RPRD1A: variants seen among roughly 807,000 people sequenced by gnomAD.
RPRD1A encodes regulation of nuclear pre-mRNA domain containing 1A.
In RPRD1A, 9 loss-of-function variants were observed where a neutral mutation model predicts 37.8. That is an observed-to-expected ratio of 0.24 (90% CI 0.14 to 0.42). The LOEUF (loss-of-function observed/expected upper bound fraction) is 0.42. Among genes scored for constraint, RPRD1A ranks in the 10% least tolerant of loss-of-function variants. The pLI, the probability that RPRD1A is intolerant of heterozygous loss-of-function variation, is 1.00. For synonymous variants in RPRD1A, 138 were observed against 139.7 expected, an observed-to-expected ratio of 0.99 and a Z score of 0.08; for missense variants, 255 against 371.0, an observed-to-expected ratio of 0.69 and a Z score of 2.57.
intron 1 of RPRD1A, among the ~76,000 whole-genome samples, chr18:36,066,078 AGT>A (rs1054355750): frequency 3.9e-5 from 6 of 152,210 alleles, no homozygotes; most frequent in African/African-American, 1.4e-4. Context: ...CCTTTATATC[AGT>A]GTTTCTGAAA....
intron 6 of RPRD1A, among the ~76,000 whole-genome samples, chr18:36,004,408 C>T (rs541005156): frequency 6.6e-6 from 1 of 152,146 alleles, no homozygotes; most frequent in Non-Finnish European, 1.5e-5. Context: ...GCGCACACCA[C>T]CACACCCAAC....
At chr18:36,065,568 C>T (rs117969729) in intron 1 of RPRD1A, among the ~76,000 whole-genome samples, 1,797 of 152,166 alleles carry the variant, frequency 0.012, 16 homozygotes, top group Middle Eastern at 0.034. Flanking sequence ...TTCTTGAGAA[C>T]AATACTTATT....
Position 36,027,080 on chromosome 18 carries a change from GA to G in RPRD1A, c.614-6del, listed in dbSNP as rs1207390412. 2 of 1,613,328 alleles carry G rather than the reference GA, an allele frequency of 1.2e-6. No homozygotes were observed. Among genetic ancestry groups the G allele is most frequent in the African/African-American group, 2.7e-5 (2 of 74,886 alleles). ...GCCTTTCTCCAGATTCTTTATCTAA[GA>G]AAAGCACGGGATAATAAAATATTAT... On this transcript the variant is annotated splice_region_variant and splice_polypyrimidine_tract_variant and intron_variant, in intron 5 of 6. Coordinates refer to ENST00000399022, the MANE Select transcript of RPRD1A (RefSeq NM_018170.5).
At chr18:36,013,252 T>A (rs893311157) in intron 6 of RPRD1A, among the ~76,000 whole-genome samples, 1 of 152,096 alleles carries the variant, frequency 6.6e-6, no homozygotes, top group Non-Finnish European at 1.5e-5. Context: ...GTTCCCAACA[T>A]TAGACAAGCA....
intron 1 of RPRD1A, among the ~76,000 whole-genome samples, chr18:36,047,333 TGA>T (rs1913032679): frequency 6.6e-6 from 1 of 152,124 alleles, no homozygotes; most frequent in African/African-American, 2.4e-5. Context: ...AAAGCAGTGC[TGA>T]GAGAAATTCT....
At chr18:35,996,149 T>A (rs1297173603) in intron 6 of RPRD1A, among the ~76,000 whole-genome samples, 3 of 152,228 alleles carry the variant, frequency 2.0e-5, no homozygotes, top group South Asian at 4.1e-4. Context: ...TTATGACAAA[T>A]GTATCATACT....
At chr18:36,027,612 A>G (rs1045767953) in intron 4 of RPRD1A, 1 of 233,308 alleles carries the variant, frequency 4.3e-6, no homozygotes, top group Non-Finnish European at 8.4e-6. Flanking sequence ...TTTATATGGC[A>G]AATACATCAG....
chr18:36,034,122 T>C (rs1912016419), intron 1 of RPRD1A, among the ~76,000 whole-genome samples: 3 of 152,150 alleles, frequency 2.0e-5, no homozygotes, highest in Non-Finnish European at 2.9e-5. Context: ...AATAAGATGG[T>C]GATTGCTCAT....
intron 1 of RPRD1A, among the ~76,000 whole-genome samples, chr18:36,046,979 G>C (rs929488972): frequency 6.6e-6 from 1 of 151,822 alleles, no homozygotes; most frequent in Admixed American, 6.6e-5. Flanking sequence ...ACAAAGTAGA[G>C]ATGTTAAAAT....
chr18:35,993,416 G>T (rs1003128037), intron 6 of RPRD1A, 116 bp from the exon 7 acceptor site: 1 of 973,246 alleles, frequency 1.0e-6, no homozygotes, highest in African/African-American at 1.7e-5. Flanking sequence ...ATTTAAAAAG[G>T]TTATTCCAGT....
chr18:36,050,536 C>A lies in RPRD1A; in HGVS notation c.152-16699G>T, dbSNP rs80227330. On this transcript the variant is annotated intron_variant, in intron 1 of 6. Transcript: ENST00000399022. ...AGCCAGAATATACATAAAAAAAAAA[C>A]TACACTTCAACAAAAAACAACTCAA... Among the ~76,000 whole-genome samples the A allele has an allele frequency of 6.8e-3, 1,035 of 151,688 alleles. 4 individuals carry two copies. Among genetic ancestry groups the A allele is most frequent in the Middle Eastern group, 0.014 (4 of 294 alleles).
chr18:36,057,013 G>C (rs565150727), intron 1 of RPRD1A, among the ~76,000 whole-genome samples: 90 of 127,458 alleles, frequency 7.1e-4, no homozygotes, highest in African/African-American at 2.7e-3. Context: ...CCAGGAGTTC[G>C]AGACCAGCCT....
At chr18:36,007,065 C>T (rs1295882852) in intron 6 of RPRD1A, among the ~76,000 whole-genome samples, 1 of 152,036 alleles carries the variant, frequency 6.6e-6, no homozygotes, top group African/African-American at 2.4e-5. Context: ...GATTTTGTTC[C>T]CTTGCCACCC....
At chr18:36,037,842 C>G (rs553562115) in intron 1 of RPRD1A, among the ~76,000 whole-genome samples, 1 of 152,144 alleles carries the variant, frequency 6.6e-6, no homozygotes, top group Admixed American at 6.6e-5. Flanking sequence ...AGCAACAAGA[C>G]GGGCAGCATT....
chr18:36,034,953 G>A (rs1224625059), intron 1 of RPRD1A, among the ~76,000 whole-genome samples: 2 of 152,192 alleles, frequency 1.3e-5, no homozygotes, highest in African/African-American at 4.8e-5. Context: ...CCATGCCACT[G>A]TATAACCTGG....
intron 1 of RPRD1A, chr18:36,064,200 G>C (rs1217073636): frequency 6.6e-6 from 1 of 152,510 alleles, no homozygotes; most frequent in South Asian, 2.1e-4. Context: ...CCTCTCTGCG[G>C]CTGGCAGAGG....
intron 1 of RPRD1A, among the ~76,000 whole-genome samples, chr18:36,052,097 A>T (rs550872515): frequency 6.6e-6 from 1 of 151,476 alleles, no homozygotes; most frequent in East Asian, 2.0e-4. Flanking sequence ...TTAAAACCCA[A>T]TTTCTCATCA....
intron 6 of RPRD1A, among the ~76,000 whole-genome samples, chr18:36,009,467 T>C (rs1010512743): frequency 7.9e-5 from 12 of 152,174 alleles, no homozygotes. Context: ...CATGGAACGT[T>C]TGTGTGAATG....
chr18:36,003,934 G>GACT (rs1267401100), intron 6 of RPRD1A, among the ~76,000 whole-genome samples: 1 of 150,500 alleles, frequency 6.6e-6, no homozygotes, highest in Admixed American at 6.6e-5. Context: ...AAGTAGCTGT[G>GACT]ACTACAGATG....
Sources: gnomAD v4.1 joint callset for allele counts (sites outside exome capture counted in the v4.1 genomes callset) on GRCh38, gnomAD v4.1.1 for gene constraint, MANE v1.5 for transcripts, NCBI Gene and HGNC (gene_info 2026-07-23, HGNC 2026-07-21) for gene names.